UACA: variants seen among roughly 807,000 people sequenced by gnomAD.
UACA encodes the protein uveal autoantigen with coiled-coil domains and ankyrin repeats.
In UACA, 112 loss-of-function variants were observed where a neutral mutation model predicts 160.5. The ratio of observed to expected loss-of-function variants is 0.70; its 90% CI spans 0.60 to 0.82. The LOEUF is 0.82. UACA is among the 40% of genes least tolerant of loss of function. The pLI is 0.00. For synonymous variants in UACA, 557 were observed against 568.4 expected, an observed-to-expected ratio of 0.98 and a Z score of 0.29; for missense variants, 1,574 against 1,614.6, an observed-to-expected ratio of 0.97 and a Z score of 0.43.
chr15:70,762,855 G>C (rs1267567095), intron 1 of UACA, among the ~76,000 whole-genome samples: 2 of 152,230 alleles, frequency 1.3e-5, no homozygotes, highest in Non-Finnish European at 2.9e-5. Context: ...CCGGAGTCCG[G>C]GCACGGTGGC....
chr15:70,658,643 T>C (rs1302589530), intron 18 of UACA, among the ~76,000 whole-genome samples: 2 of 152,184 alleles, frequency 1.3e-5, no homozygotes, highest in Admixed American at 6.5e-5. Context: ...CTTAAAATGG[T>C]GGCACGAGTT....
intron 1 of UACA, among the ~76,000 whole-genome samples, chr15:70,717,614 G>T (rs1898858736): frequency 6.6e-6 from 1 of 152,184 alleles, no homozygotes; most frequent in Non-Finnish European, 1.5e-5. Context: ...TATTGGCTCT[G>T]ATCAAGCTAA....
Position 70,700,712 on chromosome 15 carries a change from T to C in UACA, c.79-1052A>G, listed in dbSNP as rs558283712. Among the ~76,000 whole-genome samples, 18 of 152,158 alleles carry C rather than the reference T, an allele frequency of 1.2e-4. No homozygotes were observed. In the East Asian group the frequency reaches 2.9e-3, roughly 24 times the overall value. On this transcript the variant is annotated intron_variant, in intron 1 of 18. Coordinates refer to ENST00000322954, the MANE Select transcript of UACA (RefSeq NM_018003.4). Reference sequence around the variant, plus strand: ...CTCAATAAGCATAAATGTCAGAAGATAGAACTAAAATACATGTTACTTAAA... The same window carrying C: ...CTCAATAAGCATAAATGTCAGAAGACAGAACTAAAATACATGTTACTTAAA...
chr15:70,709,190 T>C (rs995215600), intron 1 of UACA, among the ~76,000 whole-genome samples: 4 of 152,326 alleles, frequency 2.6e-5, no homozygotes, highest in South Asian at 4.1e-4. Context: ...AAAGAAGCAG[T>C]AAATTTTTTG....
chr15:70,753,397 A>C (rs1268316630), intron 1 of UACA, among the ~76,000 whole-genome samples: 1 of 152,214 alleles, frequency 6.6e-6, no homozygotes, highest in Non-Finnish European at 1.5e-5. Flanking sequence ...TTGGTTTTGG[A>C]ATTTCCCATA....
rs768826242 is a variant in UACA at position 70,668,192 on chromosome 15, T to G, written c.2492A>C (p.Lys831Thr). 3.1e-6 allele frequency: 5 copies of G among 1,611,100 alleles called. No individual in the cohort carries two copies. In the South Asian group the frequency reaches 5.6e-5, roughly 18 times the overall value. Residue 831 changes from lysine to threonine, a missense_variant, in exon 16 of 19, where the codon AAG becomes ACG. Lys to Thr is a moderately conservative substitution (Grantham distance 78). Coordinates refer to ENST00000322954, the MANE Select transcript of UACA (RefSeq NM_018003.4). ...VELKKQLSELKKKCGEDQEKI... is the reference protein window; with the variant it reads ...VELKKQLSELTKKCGEDQEKI... Reference sequence around the variant, plus strand: ...CTCCTGGTCTTCACCACATTTTTTCTTAAGTTCAGACAGCTGTTTCTTAAG... The same window carrying G: ...CTCCTGGTCTTCACCACATTTTTTCGTAAGTTCAGACAGCTGTTTCTTAAG...
chr15:70,772,041 T>C, the UACA span, among the ~76,000 whole-genome samples: 1 of 152,184 alleles, frequency 6.6e-6, no homozygotes, highest in African/African-American at 2.4e-5. Context: ...CTTATTTATA[T>C]ACTAAAAAGA....
chr15:70,712,071 C>CATATATATATAT (rs1487784734), intron 1 of UACA, among the ~76,000 whole-genome samples: 13 of 125,038 alleles, frequency 1.0e-4, no homozygotes, highest in South Asian at 2.6e-4. Context: ...TATATATCTC[C>CATATATATATAT]ATATACCTTC....
Position 70,668,812 on chromosome 15 carries a change from G to A in UACA, c.1872C>T (p.Ala624=), listed in dbSNP as rs935185666. The A allele has an allele frequency of 6.2e-7, 1 of 1,613,716 alleles. No homozygotes were observed. Among genetic ancestry groups the A allele is most frequent in the East Asian group, 2.2e-5 (1 of 44,866 alleles). ...GQAKELSAKL[A]LSIPAEKFEN... ...CAAATTTTTCAGCTGGAATGGAAAG[G>A]GCCAACTTCGCTGACAATTCTTTTG... The change falls in exon 16 of 19, where the codon GCC becomes GCT. Residue 624 remains alanine, a synonymous_variant. Coordinates refer to ENST00000322954, the MANE Select transcript of UACA (RefSeq NM_018003.4).
intron 2 of UACA, among the ~76,000 whole-genome samples, chr15:70,697,648 T>C (rs1049776297): frequency 6.6e-6 from 1 of 152,198 alleles, no homozygotes; most frequent in African/African-American, 2.4e-5. Flanking sequence ...ACAGAAAATA[T>C]ATTTGTAACA....
At chr15:70,700,379 GAATAA>G (rs1255513971) in intron 1 of UACA, among the ~76,000 whole-genome samples, 6 of 146,692 alleles carry the variant, frequency 4.1e-5, no homozygotes, top group South Asian at 2.1e-4. Context: ...TTATATATTA[GAATAA>G]AATAAAACTT....
At position 70,668,093 on chromosome 15, in the gene UACA, G is replaced by T; in HGVS notation, c.2591C>A (p.Thr864Asn). Residue 864 changes from threonine (T) to asparagine (N), a missense_variant, in exon 16 of 19, where the codon ACC becomes AAC. Coordinates refer to ENST00000322954, the MANE Select transcript of UACA (RefSeq NM_018003.4). ...MMSNQYVPVKTHEEVKMTLND... is the reference protein window; with the variant it reads ...MMSNQYVPVKNHEEVKMTLND... ...CAGTGTCATTTTAACCTCTTCATGGGTTTTAACTGGCACATACTGATTACT... is the reference window on the plus strand; with the variant it reads ...CAGTGTCATTTTAACCTCTTCATGGTTTTTAACTGGCACATACTGATTACT... The T allele has an allele frequency of 6.2e-7, 1 of 1,613,468 alleles. No individual in the cohort carries two copies.
At chr15:70,767,256 A>C (rs28649129), upstream of UACA, among the ~76,000 whole-genome samples, 1 of 133,448 alleles carries the variant, frequency 7.5e-6, no homozygotes, top group East Asian at 2.0e-4. Flanking sequence ...AAAAAAAAAA[A>C]CAAAAAACAA....
At chr15:70,749,698 C>CAAAAAAAAAAAAAAAAAAAAAAAAA (rs11292883) in intron 1 of UACA, among the ~76,000 whole-genome samples, 9 of 70,046 alleles carry the variant, frequency 1.3e-4, no homozygotes, top group African/African-American at 4.7e-4. Flanking sequence ...GACTCCGTCT[C>CAAAAAAAAAAAAAAAAAAAAAAAAA]AAAAAAAAAA....
Position 70,666,394 on chromosome 15 carries a change from AAG to A in UACA, c.3960+328_3960+329del, listed in dbSNP as rs1433976884. Among the ~76,000 whole-genome samples, 3 of 152,252 alleles carry A rather than the reference AAG, an allele frequency of 2.0e-5. No individual in the cohort carries two copies. The East Asian group carries it at 5.8e-4, about 29-fold the overall frequency. On this transcript the variant is annotated intron_variant, in intron 16 of 18. Transcript: ENST00000322954. ...TGTTCTTGGTTTCTTGCAGCCCAGA[AAG>A]AGAGCTTCCCCACCACCCTCTTCCC...
intron 1 of UACA, among the ~76,000 whole-genome samples, chr15:70,748,561 G>A (rs564373913): frequency 5.3e-4 from 81 of 152,242 alleles, no homozygotes; most frequent in Non-Finnish European, 5.4e-4. Flanking sequence ...TAGAGTGCAG[G>A]TCCTTGCATA....
chr15:70,692,590 T>G (rs1204228734), intron 3 of UACA, among the ~76,000 whole-genome samples: 1 of 152,038 alleles, frequency 6.6e-6, no homozygotes, highest in Non-Finnish European at 1.5e-5. Context: ...GGCAACATAG[T>G]GAAATCCCAT....
At chr15:70,699,243 T>C (rs1234609005) in intron 2 of UACA, among the ~76,000 whole-genome samples, 2 of 152,146 alleles carry the variant, frequency 1.3e-5, no homozygotes, top group African/African-American at 4.8e-5. Context: ...TGATAAGGAA[T>C]ATAAAAAGGC....
rs115247128 is a variant in UACA at position 70,725,264 on chromosome 15, T to C, written c.79-25604A>G. ...TTAAAGGAAAATAGAGTTTAAAATA[T>C]AGCTCATATTTATAATAGAATAAAA... is the stretch of plus-strand genomic sequence containing the variant. On this transcript the variant is annotated intron_variant, in intron 1 of 18. Coordinates refer to ENST00000322954, the MANE Select transcript of UACA (RefSeq NM_018003.4). Among the ~76,000 whole-genome samples, 1,490 of 152,294 alleles carry C rather than the reference T, an allele frequency of 9.8e-3. 31 individuals are homozygous for C. Among genetic ancestry groups the C allele is most frequent in the African/African-American group, 0.033 (1,386 of 41,566 alleles).
Sources: allele counts gnomAD v4.1 joint callset (sites outside exome capture counted in the v4.1 genomes callset), GRCh38; gene constraint gnomAD v4.1.1; transcripts MANE v1.5; gene names NCBI Gene and HGNC (gene_info 2026-07-23, HGNC 2026-07-21).